The following NAP1L1 variants were observed in gnomAD, a reference collection of about 807,000 sequenced individuals.
NAP1L1 encodes nucleosome assembly protein 1-like 1.
A neutral mutation model predicts 58.9 loss-of-function variants in NAP1L1; 9 were observed. That is an observed-to-expected ratio of 0.15 (90% confidence interval 0.09 to 0.27). The LOEUF (loss-of-function observed/expected upper bound fraction) is 0.27. Ranked by LOEUF, NAP1L1 falls within the 10% of genes least tolerant of loss-of-function variation. The pLI, the probability that NAP1L1 is intolerant of heterozygous loss-of-function variation, is 1.00. For missense variants in NAP1L1, 302 were observed against 458.8 expected, an observed-to-expected ratio of 0.66 and a Z score of 3.12; for synonymous variants, 130 against 138.3, an observed-to-expected ratio of 0.94 and a Z score of 0.42.
At chr12:76,057,763 CAAG>C in intron 6 of NAP1L1, 1 of 1,550,418 alleles carries the variant, frequency 6.4e-7, no homozygotes, top group Non-Finnish European at 8.7e-7. Context: ...TTCACCCAAA[CAAG>C]AAGCTGGAAT....
rs1032059111 is a variant in NAP1L1 at position 76,044,995 on chromosome 12, A to G, written c.*3434T>C. The stretch of plus-strand genomic sequence containing the variant: ...TTAACTGCAGTATTATTTCACCATC[A>G]CCATTTACATGTACTTTTCAGGTAT... On this transcript the variant is annotated 3_prime_UTR_variant, in exon 15 of 15. Coordinates refer to ENST00000618691, the MANE Select transcript of NAP1L1 (RefSeq NM_004537.7). The G allele has an allele frequency of 9.9e-5, 15 of 152,108 alleles. No homozygotes were observed. The highest frequency in any genetic ancestry group is 3.6e-4 in the African/African-American group (15 of 41,448). The allele number at this position is 152,108 out of a possible 1,614,324, so 9.4% of individuals were successfully genotyped here. A position where few individuals can be genotyped will look rare whatever the true frequency, so the allele number is the denominator to read the frequency against.
At chr12:76,067,543 C>A in intron 3 of NAP1L1, 70 bp from the exon 4 acceptor site, 1 of 1,265,892 alleles carries the variant, frequency 7.9e-7, no homozygotes, top group Non-Finnish European at 1.1e-6. Context: ...ATAGGACAAT[C>A]CAATCTCATG....
At position 76,048,293 on chromosome 12, in the gene NAP1L1, A is replaced by G. The variant is rs188300754; in HGVS notation, c.*136T>C. ...TAGGTAGAACAAATTGGTCTTTAAA[A>G]TATCAGTTTCCTGTCCTTTAAAAAA... On this transcript the variant is annotated 3_prime_UTR_variant, in exon 15 of 15. Transcript: ENST00000618691. 209 of 915,796 alleles carry G rather than the reference A, an allele frequency of 2.3e-4. 2 individuals carry two copies. The East Asian group carries it at 4.7e-3, about 21-fold the overall frequency. The allele number at this position is 915,796 out of a possible 1,614,324, so 56.7% of individuals were successfully genotyped here.
chr12:76,063,880 T>TAAAAAA (rs1565731990), intron 4 of NAP1L1, among the ~76,000 whole-genome samples: 1 of 56,510 alleles, frequency 1.8e-5, no homozygotes. Flanking sequence ...GGTTAAAAGT[T>TAAAAAA]TAAAAAAAAA....
At chr12:76,078,785 G>A (rs904219459) in intron 1 of NAP1L1, among the ~76,000 whole-genome samples, 3 of 152,136 alleles carry the variant, frequency 2.0e-5, no homozygotes, top group Admixed American at 2.0e-4. Flanking sequence ...GAATCTAAAG[G>A]ACTGAAAATA....
chr12:76,059,627 G>A (rs1244120159), intron 6 of NAP1L1, 171 bp downstream of exon 6: 2 of 557,192 alleles, frequency 3.6e-6, no homozygotes, highest in African/African-American at 2.0e-5. Context: ...TTGAATGACT[G>A]TTTTTTAAAA....
chr12:76,055,363 A>C (rs1005133535), intron 7 of NAP1L1, among the ~76,000 whole-genome samples: 3 of 152,226 alleles, frequency 2.0e-5, no homozygotes, highest in African/African-American at 7.2e-5. Context: ...AATAAGGCAT[A>C]TCTACTTTTA....
chr12:76,050,592 C>T lies in NAP1L1; in HGVS notation c.998G>A (p.Arg333His), dbSNP rs777338249. 4 of 1,612,928 alleles carry T rather than the reference C, an allele frequency of 2.5e-6. No homozygotes were observed. Among genetic ancestry groups the T allele is most frequent in the East Asian group, 4.5e-5 (2 of 44,822 alleles). The change falls in exon 12 of 15, where the codon CGT (arginine) becomes CAT (histidine). Residue 333 changes from arginine (R) to histidine (H), a missense_variant. Physicochemically the swap from Arg to His is conservative, Grantham distance 29. Coordinates refer to ENST00000618691, the MANE Select transcript of NAP1L1 (RefSeq NM_004537.7). ...ATATAACACTGATCTTGGGATTATA[C>T]GCTCACGTAAAAAGTGACCAATTTC... ...DFEIGHFLRE[R>H]IIPRSVLYFT...
chr12:76,081,438 CT>C (rs1307156308), intron 1 of NAP1L1, among the ~76,000 whole-genome samples: 1 of 152,066 alleles, frequency 6.6e-6, no homozygotes, highest in African/African-American at 2.4e-5. Context: ...AATTCCAAGA[CT>C]GAAATTATAA....
At chr12:76,049,141 C>G (rs967445556) in intron 14 of NAP1L1, 59 bp downstream of exon 14, 1 of 1,499,036 alleles carries the variant, frequency 6.7e-7, no homozygotes, top group Non-Finnish European at 9.3e-7. Context: ...TATTCAAAAA[C>G]ACCAACTCTT....
intron 11 of NAP1L1, among the ~76,000 whole-genome samples, chr12:76,052,728 T>C (rs982753104): frequency 2.6e-5 from 4 of 152,336 alleles, no homozygotes; most frequent in South Asian, 2.1e-4. Flanking sequence ...CATATTTACA[T>C]TGGAGTAACA....
intron 6 of NAP1L1, chr12:76,056,621 A>G (rs946122199): frequency 6.6e-6 from 3 of 456,052 alleles, no homozygotes; most frequent in Non-Finnish European, 1.3e-5. Context: ...ATTGTGGGCA[A>G]GTCACTTAGA....
intron 1 of NAP1L1, among the ~76,000 whole-genome samples, chr12:76,083,252 C>G (rs1950475406): frequency 6.6e-6 from 1 of 152,090 alleles, no homozygotes; most frequent in African/African-American, 2.4e-5. Context: ...CACCTCCCAT[C>G]TTAAAAAGGA....
At chr12:76,074,274 A>AT in intron 1 of NAP1L1, 35 bp from the exon 2 acceptor site, 1 of 1,536,440 alleles carries the variant, frequency 6.5e-7, no homozygotes, top group Non-Finnish European at 8.7e-7. Flanking sequence ...AAAAAAAAGT[A>AT]TATGATTTAT....
intron 2 of NAP1L1, among the ~76,000 whole-genome samples, chr12:76,070,052 C>T (rs1184663217): frequency 6.6e-6 from 1 of 151,346 alleles, no homozygotes; most frequent in Admixed American, 6.6e-5. Context: ...CATGCAAGTA[C>T]AGAAAAAAAT....
intron 13 of NAP1L1, 21 bp from the exon 14 acceptor site, chr12:76,049,271 C>T: frequency 6.2e-7 from 1 of 1,613,288 alleles, no homozygotes; most frequent in Non-Finnish European, 8.5e-7. Flanking sequence ...GTTCAAAATG[C>T]ATCCATGAAG....
chr12:76,049,332 A>C lies in NAP1L1; in HGVS notation c.1090-82T>G, dbSNP rs1177782854. On this transcript the variant is annotated intron_variant, in intron 13 of 14. Coordinates refer to ENST00000618691, the MANE Select transcript of NAP1L1 (RefSeq NM_004537.7). ...CATAATGTAGGGAAAATTTAATACA[A>C]GTTACTCTACGGATCAACAGATTTT... is the stretch of plus-strand genomic sequence containing the variant. 5 of 1,606,176 alleles carry C rather than the reference A, an allele frequency of 3.1e-6. No individual in the cohort carries two copies. The African/African-American group carries it at 5.4e-5, about 17-fold the overall frequency.
chr12:76,048,867 G>T (rs941008456), intron 14 of NAP1L1: 1 of 409,572 alleles, frequency 2.4e-6, no homozygotes, highest in African/African-American at 2.0e-5. Flanking sequence ...CCCAGTTCCC[G>T]AACACTCCTA....
intron 3 of NAP1L1, among the ~76,000 whole-genome samples, chr12:76,067,898 G>C (rs1949755034): frequency 6.6e-6 from 1 of 152,160 alleles, no homozygotes; most frequent in South Asian, 2.1e-4. Context: ...GATGAAGTGA[G>C]TGATCTGAAT....
Sources: gnomAD v4.1 joint callset for allele counts (sites outside exome capture counted in the v4.1 genomes callset) on GRCh38, gnomAD v4.1.1 for gene constraint, MANE v1.5 for transcripts, NCBI Gene and HGNC (gene_info 2026-07-23, HGNC 2026-07-21) for gene names.